The following GLRB variants were observed in gnomAD, a reference collection of about 807,000 sequenced individuals.
The protein encoded by GLRB is glycine receptor subunit beta.
A neutral mutation model predicts 54.2 loss-of-function variants in GLRB; 33 were observed. That is an observed-to-expected ratio of 0.61 (90% confidence interval 0.46 to 0.81). The LOEUF (loss-of-function observed/expected upper bound fraction) is 0.81. Ranked by LOEUF, GLRB falls within the 40% of genes least tolerant of loss-of-function variation. GLRB has a pLI of 0.00. For synonymous variants in GLRB, 209 were observed against 208.2 expected (o/e 1.00, Z -0.03); for missense variants, 572 against 584.6 (o/e 0.98, Z 0.22).
intron 2 of GLRB, among the ~76,000 whole-genome samples, chr4:157,102,677 G>C (rs938462382): frequency 1.4e-4 from 21 of 152,282 alleles, no homozygotes; most frequent in Non-Finnish European, 1.3e-4. Context: ...AAGTACTTTT[G>C]ATGGAGGGAA....
chr4:157,084,896 G>A (rs1032132229), intron 2 of GLRB, among the ~76,000 whole-genome samples: 27 of 152,164 alleles, frequency 1.8e-4, no homozygotes, highest in African/African-American at 6.0e-4. Context: ...GGAAATATTC[G>A]AGACAAAGAC....
chr4:157,099,978 C>T (rs781299517), intron 2 of GLRB, among the ~76,000 whole-genome samples: 1 of 152,092 alleles, frequency 6.6e-6, no homozygotes, highest in Non-Finnish European at 1.5e-5. Flanking sequence ...TGTTTGCCTA[C>T]TTTAAAAAAT....
intron 2 of GLRB, among the ~76,000 whole-genome samples, chr4:157,089,244 T>C (rs1429236297): frequency 1.3e-5 from 2 of 151,482 alleles, no homozygotes; most frequent in African/African-American, 4.9e-5. Flanking sequence ...TAAAAAAAAA[T>C]TAGCCAAGCA....
intron 4 of GLRB, 109 bp from the exon 5 acceptor site, chr4:157,136,360 A>G: frequency 1.4e-6 from 1 of 708,480 alleles, no homozygotes; most frequent in South Asian, 1.6e-5. Flanking sequence ...TTGGAAGAAC[A>G]AAAATATTTG....
chr4:157,105,727 C>T (rs1220786302), intron 2 of GLRB, among the ~76,000 whole-genome samples: 1 of 152,000 alleles, frequency 6.6e-6, no homozygotes, highest in Non-Finnish European at 1.5e-5. Flanking sequence ...ATTATTGTTA[C>T]ATCTTCCTGG....
In GLRB at chr4:157,128,719, A is replaced by C. The variant is rs569378229; in HGVS notation, c.297+6322A>C. Among the ~76,000 whole-genome samples the C allele has an allele frequency of 3.3e-5, 5 of 151,960 alleles. No individual in the cohort carries two copies. The East Asian group carries it at 9.7e-4, about 30-fold the overall frequency. Reference sequence around the variant, plus strand: ...GTTTTATTGAAGAATCTTTAATTATAAACCTTGAAAAATGATATATTGAGA... The same window carrying C: ...GTTTTATTGAAGAATCTTTAATTATCAACCTTGAAAAATGATATATTGAGA... On this transcript the variant is annotated intron_variant, in intron 4 of 9. Coordinates refer to ENST00000264428, the MANE Select transcript of GLRB (RefSeq NM_000824.5).
At chr4:157,133,651 A>G (rs1419457569) in intron 4 of GLRB, among the ~76,000 whole-genome samples, 2 of 151,998 alleles carry the variant, frequency 1.3e-5, no homozygotes, top group Admixed American at 1.3e-4. Flanking sequence ...TAACTAGTAA[A>G]TTACCTAGGG....
intron 8 of GLRB, among the ~76,000 whole-genome samples, chr4:157,145,225 G>C (rs552330728): frequency 6.6e-6 from 1 of 152,228 alleles, no homozygotes; most frequent in Admixed American, 6.5e-5. Flanking sequence ...CTGATACCAG[G>C]TTCCTGAGCT....
chr4:157,119,784 G>T (rs1190420022), intron 2 of GLRB, among the ~76,000 whole-genome samples: 1 of 151,624 alleles, frequency 6.6e-6, no homozygotes, highest in East Asian at 2.0e-4. Flanking sequence ...ACACTGTTGG[G>T]GGACTGTAAA....
At chr4:157,120,765 A>G in intron 3 of GLRB, 103 bp downstream of exon 3, 1 of 606,592 alleles carries the variant, frequency 1.6e-6, no homozygotes, top group Non-Finnish European at 3.0e-6. Flanking sequence ...GTGATATTCA[A>G]AACAGTAAGA....
intron 2 of GLRB, among the ~76,000 whole-genome samples, chr4:157,079,022 C>T (rs1734137923): frequency 6.6e-6 from 1 of 152,164 alleles, no homozygotes; most frequent in Non-Finnish European, 1.5e-5. Context: ...GATCTGCTCG[C>T]CTTGGCATCC....
chr4:157,169,993 C>G (rs1361091066), intron 9 of GLRB, among the ~76,000 whole-genome samples: 1 of 152,084 alleles, frequency 6.6e-6, no homozygotes, highest in Non-Finnish European at 1.5e-5. Flanking sequence ...ATAAACCGCT[C>G]TACTTGGAAA....
chr4:157,140,501 G>A (rs901120224), intron 7 of GLRB, among the ~76,000 whole-genome samples: 4 of 152,004 alleles, frequency 2.6e-5, no homozygotes, highest in South Asian at 2.1e-4. Flanking sequence ...ATAAGAACAC[G>A]TACTTAGTAG....
intron 9 of GLRB, among the ~76,000 whole-genome samples, chr4:157,162,599 C>T (rs1193520090): frequency 6.6e-6 from 1 of 152,150 alleles, no homozygotes; most frequent in Admixed American, 6.5e-5. Context: ...GCCGGAGGTC[C>T]ACTCCAGCCC....
chr4:157,076,205 G>T lies in GLRB; in HGVS notation c.-122G>T, dbSNP rs1734020332. On this transcript the variant is annotated 5_prime_UTR_variant, in exon 1 of 10. Transcript: ENST00000264428. ...GGGCGGCTGGGACGCAGCTGCCCCC[G>T]CTCGGCGCCCGCTGCACCCTTAGCA... 6.6e-6 allele frequency: 1 copy of T among 150,460 alleles called. No individual in the cohort carries two copies. The highest frequency in any genetic ancestry group is 2.1e-4 in the South Asian group (1 of 4,810). The allele number at this position is 150,460 out of a possible 1,614,324, so 9.3% of individuals were successfully genotyped here.
intron 2 of GLRB, among the ~76,000 whole-genome samples, chr4:157,116,808 T>A (rs1735625150): frequency 6.6e-6 from 1 of 151,730 alleles, no homozygotes; most frequent in Non-Finnish European, 1.5e-5. Flanking sequence ...TTTTAAAACA[T>A]CTCTGTATTT....
intron 9 of GLRB, among the ~76,000 whole-genome samples, chr4:157,164,103 G>GA (rs1737622376): frequency 6.6e-6 from 1 of 151,804 alleles, no homozygotes; most frequent in African/African-American, 2.4e-5. Flanking sequence ...CCTACACCAG[G>GA]AAAACAAACA....
At chr4:157,142,118 C>A (rs1736639110) in intron 7 of GLRB, among the ~76,000 whole-genome samples, 1 of 152,010 alleles carries the variant, frequency 6.6e-6, no homozygotes, top group South Asian at 2.1e-4. Context: ...TCAATTGTAG[C>A]AATTGTACTT....
At position 157,079,020 on chromosome 4, in the gene GLRB, C is replaced by T. The variant is rs116685615; in HGVS notation, c.122+874C>T. Among the ~76,000 whole-genome samples the T allele has an allele frequency of 4.2e-3, 639 of 152,238 alleles. 2 individuals are homozygous for T. Among genetic ancestry groups the T allele is most frequent in the African/African-American group, 0.012 (489 of 41,538 alleles). Reference sequence around the variant, plus strand: ...AACTCCTGACCCTGGGTGATCTGCTCGCCTTGGCATCCCAAAGTGCTGGGA... The same window carrying T: ...AACTCCTGACCCTGGGTGATCTGCTTGCCTTGGCATCCCAAAGTGCTGGGA... On this transcript the variant is annotated intron_variant, in intron 2 of 9. Coordinates refer to ENST00000264428, the MANE Select transcript of GLRB (RefSeq NM_000824.5).
Sources: allele counts gnomAD v4.1 joint callset (sites outside exome capture counted in the v4.1 genomes callset), GRCh38; gene constraint gnomAD v4.1.1; transcripts MANE v1.5; gene names NCBI Gene and HGNC (gene_info 2026-07-23, HGNC 2026-07-21).